The following KCNIP4 variants were observed in gnomAD, a reference collection of about 807,000 sequenced individuals.
The protein encoded by KCNIP4 is potassium voltage-gated channel interacting protein 4.
Under a neutral mutation model 34.0 loss-of-function variants are expected in KCNIP4, and 12 were observed. That is an observed-to-expected ratio of 0.35 (90% CI 0.23 to 0.57). The LOEUF (loss-of-function observed/expected upper bound fraction) is 0.57, where lower values mean the gene tolerates loss of function less well. Among genes scored for constraint, KCNIP4 ranks in the 20% least tolerant of loss-of-function variants. The pLI, the probability that KCNIP4 is intolerant of heterozygous loss-of-function variation, is 0.83. For missense variants in KCNIP4, 238 were observed against 311.7 expected (o/e 0.76, Z 1.78); for synonymous variants, 124 against 102.2 (o/e 1.21, Z -1.29).
intron 1 of KCNIP4, among the ~76,000 whole-genome samples, chr4:21,872,380 C>T (rs1199975102): frequency 6.6e-6 from 1 of 152,168 alleles, no homozygotes; most frequent in African/African-American, 2.4e-5. Flanking sequence ...TGCCTTTGTC[C>T]TTCAGAGTGC....
At chr4:21,214,875 T>G (rs1345704934) in intron 1 of KCNIP4, among the ~76,000 whole-genome samples, 1 of 152,164 alleles carries the variant, frequency 6.6e-6, no homozygotes, top group African/African-American at 2.4e-5. Context: ...TCACAGCTAA[T>G]TTTAGCAAAT....
intron 1 of KCNIP4, among the ~76,000 whole-genome samples, chr4:21,158,078 A>G (rs1753282731): frequency 6.6e-6 from 1 of 152,132 alleles, no homozygotes; most frequent in Non-Finnish European, 1.5e-5. Context: ...AATTTTCATG[A>G]AAGATAAAAA....
chr4:21,169,944 C>T (rs1312250743), intron 1 of KCNIP4, among the ~76,000 whole-genome samples: 1 of 152,060 alleles, frequency 6.6e-6, no homozygotes, highest in Non-Finnish European at 1.5e-5. Flanking sequence ...ATAATGCCCA[C>T]ACATGTTTAT....
At chr4:21,003,747 A>G (rs958918127) in intron 1 of KCNIP4, among the ~76,000 whole-genome samples, 3 of 152,176 alleles carry the variant, frequency 2.0e-5, no homozygotes, top group Admixed American at 1.3e-4. Context: ...GAAACTGGAT[A>G]TTGTTTCAGA....
chr4:21,206,747 T>C (rs1334791642), intron 1 of KCNIP4, among the ~76,000 whole-genome samples: 1 of 152,220 alleles, frequency 6.6e-6, no homozygotes, highest in African/African-American at 2.4e-5. Flanking sequence ...ACTCATGAGA[T>C]GCAGATTTGT....
At chr4:20,848,644 G>T (rs1379673041) in intron 3 of KCNIP4, among the ~76,000 whole-genome samples, 30 of 152,096 alleles carry the variant, frequency 2.0e-4, no homozygotes, top group Non-Finnish European at 2.9e-5. Context: ...TATAGCAAAT[G>T]CAATGAAAGG....
chr4:21,913,921 G>T (rs1728484704), intron 1 of KCNIP4, among the ~76,000 whole-genome samples: 1 of 151,996 alleles, frequency 6.6e-6, no homozygotes, highest in Non-Finnish European at 1.5e-5. Flanking sequence ...ATATAAGGAT[G>T]GGGAGATAGG....
chr4:21,834,474 A>C (rs1318302311), intron 1 of KCNIP4, among the ~76,000 whole-genome samples: 2 of 152,198 alleles, frequency 1.3e-5, no homozygotes, highest in South Asian at 2.1e-4. Flanking sequence ...GTTGCTTATC[A>C]GCTTAAGGAG....
At chr4:21,240,922 T>C (rs1170198234) in intron 1 of KCNIP4, among the ~76,000 whole-genome samples, 4 of 152,228 alleles carry the variant, frequency 2.6e-5, no homozygotes, top group African/African-American at 4.8e-5. Flanking sequence ...TGCAGTCAGA[T>C]GGTTATCCAT....
chr4:21,218,534 A>C lies in KCNIP4; in HGVS notation c.62-335825T>G, dbSNP rs558403537. Among the ~76,000 whole-genome samples, 4 of 152,326 alleles carry C rather than the reference A, an allele frequency of 2.6e-5. No individual in the cohort carries two copies. The East Asian group carries it at 7.7e-4, about 29-fold the overall frequency. ...TTCATATGAATGAATGAGTATATAA[A>C]TCAATGGGTCTCAGTTTTTATATCC... On this transcript the variant is annotated intron_variant, in intron 1 of 8. Transcript: ENST00000382152.
At chr4:20,891,180 C>A (rs918199342) in intron 1 of KCNIP4, among the ~76,000 whole-genome samples, 1 of 152,154 alleles carries the variant, frequency 6.6e-6, no homozygotes, top group African/African-American at 2.4e-5. Context: ...CAGTCCCGAT[C>A]AGCTTCTATT....
chr4:21,919,022 A>G lies in KCNIP4; in HGVS notation c.61+29549T>C, dbSNP rs149212627. 3.6e-3 allele frequency among the ~76,000 whole-genome samples: 549 copies of G among 152,212 alleles called. 3 individuals are homozygous for G. Among genetic ancestry groups the G allele is most frequent in the Middle Eastern group, 0.017 (5 of 294 alleles). On this transcript the variant is annotated intron_variant, in intron 1 of 8. Coordinates refer to ENST00000382152, the MANE Select transcript of KCNIP4 (RefSeq NM_025221.6). ...AACAAAGAACATCTTATAAGACAGA[A>G]CAAGAGGCCAAAGGGGATGATGAAC...
intron 1 of KCNIP4, among the ~76,000 whole-genome samples, chr4:21,688,395 A>C (rs1450676403): frequency 6.6e-6 from 1 of 152,158 alleles, no homozygotes; most frequent in Non-Finnish European, 1.5e-5. Flanking sequence ...CTGCTGATCC[A>C]AGCATTTCAA....
At chr4:21,171,478 C>T (rs1275663352) in intron 1 of KCNIP4, among the ~76,000 whole-genome samples, 2 of 152,110 alleles carry the variant, frequency 1.3e-5, no homozygotes, top group Non-Finnish European at 2.9e-5. Flanking sequence ...AGTTATTGTA[C>T]TTTATAAAAT....
intron 1 of KCNIP4, among the ~76,000 whole-genome samples, chr4:21,778,692 T>C (rs987054024): frequency 6.6e-6 from 1 of 151,736 alleles, no homozygotes; most frequent in Admixed American, 6.6e-5. Flanking sequence ...AAGTATCCTT[T>C]GATACAAATT....
intron 1 of KCNIP4, among the ~76,000 whole-genome samples, chr4:21,697,130 G>A (rs1369870758): frequency 6.6e-6 from 1 of 151,626 alleles, no homozygotes; most frequent in Non-Finnish European, 1.5e-5. Flanking sequence ...GCCTTGAAGA[G>A]ATAAAAAAAA....
chr4:20,942,684 TTTTTGAGACAGAG>T (rs1294421071), intron 1 of KCNIP4, among the ~76,000 whole-genome samples: 1 of 152,092 alleles, frequency 6.6e-6, no homozygotes, highest in Non-Finnish European at 1.5e-5. Flanking sequence ...TTTATTTTTA[TTTTTGAGACAGAG>T]TTTTGCTCTT....
At chr4:21,281,320 T>C (rs1762762787) in intron 1 of KCNIP4, among the ~76,000 whole-genome samples, 1 of 152,088 alleles carries the variant, frequency 6.6e-6, no homozygotes, top group Admixed American at 6.5e-5. Flanking sequence ...ACTCCTGACC[T>C]CAGGTGATCC....
At chr4:21,027,737 T>C (rs1740678916) in intron 1 of KCNIP4, among the ~76,000 whole-genome samples, 1 of 152,028 alleles carries the variant, frequency 6.6e-6, no homozygotes, top group African/African-American at 2.4e-5. Context: ...GAGAAAACAT[T>C]AATTCACAAG....
Sources: gnomAD v4.1 joint callset for allele counts (sites outside exome capture counted in the v4.1 genomes callset) on GRCh38, gnomAD v4.1.1 for gene constraint, MANE v1.5 for transcripts, NCBI Gene and HGNC (gene_info 2026-07-23, HGNC 2026-07-21) for gene names.